The following DSCAML1 variants were observed in gnomAD, a reference collection of about 807,000 sequenced individuals.
The protein encoded by DSCAML1 is DS cell adhesion molecule like 1, also known as cell adhesion molecule DSCAML1.
Under a neutral mutation model 200.5 loss-of-function variants are expected in DSCAML1, and 38 were observed. The ratio of observed to expected loss-of-function variants is 0.19; its 90% CI spans 0.15 to 0.25. The LOEUF is 0.25. Among genes scored for constraint, DSCAML1 ranks in the 10% least tolerant of loss-of-function variants. The pLI, the probability that DSCAML1 is intolerant of heterozygous loss-of-function variation, is 1.00. For synonymous variants in DSCAML1, 1,215 were observed against 1,165.0 expected (o/e 1.04, Z -0.87); for missense variants, 2,223 against 2,858.8 (o/e 0.78, Z 5.07).
Position 117,813,954 on chromosome 11 carries a change from G to A in DSCAML1, c.-250+3436C>T, listed in dbSNP as rs377711133. On this transcript the variant is annotated intron_variant, in intron 1 of 2. Coordinates refer to the DSCAML1 transcript ENST00000525836. ...CATCCCCTGTGACTTGCACCTATAC[G>A]CCCAGATGGCTTGAAGTAACTGAAG... Among the ~76,000 whole-genome samples the A allele has an allele frequency of 8.5e-5, 13 of 152,248 alleles. No individual in the cohort carries two copies. The East Asian group carries it at 1.5e-3, about 18-fold the overall frequency.
intron 3 of DSCAML1, among the ~76,000 whole-genome samples, chr11:117,657,102 C>T (rs895327826): frequency 1.3e-5 from 2 of 152,282 alleles, no homozygotes; most frequent in South Asian, 2.1e-4. Flanking sequence ...AGAGATGGCA[C>T]ACTCCCAGGC....
rs1227011148 is a variant in DSCAML1, at chr11:117,780,488, C to T, written c.364+5G>A. ...CACTGGGGCAGCCAGTGTCTTGTCC[C>T]TTACCTGCTTTGACGCGGATGTTGG... On this transcript the variant is annotated splice_donor_5th_base_variant and intron_variant, in intron 2 of 32. Coordinates refer to ENST00000651296, the MANE Select transcript of DSCAML1 (RefSeq NM_020693.4). The surrounding 1 kb of genome is among the most constrained non-coding windows in gnomAD (Gnocchi z 4.8). 6.9e-7 allele frequency: 1 copy of T among 1,445,852 alleles called. No homozygotes were observed. Among genetic ancestry groups the T allele is most frequent in the Non-Finnish European group, 9.1e-7 (1 of 1,094,742 alleles). The allele number at this position is 1,445,852 out of a possible 1,614,324, so 89.6% of individuals were successfully genotyped here. A position where few individuals can be genotyped will look rare whatever the true frequency, so the allele number is the denominator to read the frequency against.
At chr11:117,788,239 C>A (rs1011043437) in intron 1 of DSCAML1, among the ~76,000 whole-genome samples, 3 of 152,248 alleles carry the variant, frequency 2.0e-5, no homozygotes, top group Admixed American at 6.5e-5. Flanking sequence ...ATCTGGCACA[C>A]CTGCTCCACC....
At position 117,621,109 on chromosome 11, in the gene DSCAML1, G is replaced by A. The variant is rs554228690; in HGVS notation, c.512-88587C>T. ...CATCTGGGATGATTAAGCTGAAGATGGGAAATACCTGTGCTCCATTCAAAG... is the reference window on the plus strand; with the variant it reads ...CATCTGGGATGATTAAGCTGAAGATAGGAAATACCTGTGCTCCATTCAAAG... On this transcript the variant is annotated intron_variant, in intron 3 of 32. Transcript: ENST00000651296. 7.3e-4 allele frequency among the ~76,000 whole-genome samples: 111 copies of A among 152,352 alleles called. 1 individual carries two copies. The highest frequency in any genetic ancestry group is 2.6e-3 in the African/African-American group (109 of 41,582).
intron 3 of DSCAML1, 70 bp downstream of exon 3, chr11:117,776,721 G>C (rs1433915205): frequency 6.4e-7 from 1 of 1,570,580 alleles, no homozygotes; most frequent in Non-Finnish European, 8.7e-7. Flanking sequence ...ACCAGCTCAG[G>C]CATCTCTACT....
intron 3 of DSCAML1, among the ~76,000 whole-genome samples, chr11:117,695,339 A>AC (rs1483600192): frequency 7.9e-6 from 1 of 127,184 alleles, no homozygotes; most frequent in Non-Finnish European, 1.6e-5. Flanking sequence ...TTTTTTGCTA[A>AC]CCAACCTGCA....
chr11:117,670,930 C>T (rs2053093244), intron 3 of DSCAML1, among the ~76,000 whole-genome samples: 1 of 152,134 alleles, frequency 6.6e-6, no homozygotes, highest in Non-Finnish European at 1.5e-5. Context: ...GCCTGGGTGA[C>T]AGAGGAAGTT....
At chr11:117,745,814 G>A (rs532045040) in intron 3 of DSCAML1, among the ~76,000 whole-genome samples, 4 of 152,152 alleles carry the variant, frequency 2.6e-5, no homozygotes, top group Admixed American at 6.5e-5. Context: ...TGACATCTCC[G>A]TGCCTCAATG....
chr11:117,800,884 G>A (rs1212007979), upstream of DSCAML1: 1 of 152,138 alleles, frequency 6.6e-6, no homozygotes, highest in African/African-American at 2.4e-5. Flanking sequence ...CAAACAATAA[G>A]CTTATATATT....
intron 3 of DSCAML1, among the ~76,000 whole-genome samples, chr11:117,748,736 C>T (rs537799677): frequency 1.1e-4 from 16 of 152,308 alleles, no homozygotes; most frequent in Admixed American, 2.0e-4. Flanking sequence ...GTACTGCATG[C>T]CCTACTGACC....
At chr11:117,789,863 C>T (rs948099) in intron 1 of DSCAML1, among the ~76,000 whole-genome samples, 9 of 152,142 alleles carry the variant, frequency 5.9e-5, no homozygotes, top group Admixed American at 3.3e-4. Flanking sequence ...CAGGAATGGG[C>T]TGCCTTGCAA....
At chr11:117,660,777 G>C (rs2052831304) in intron 3 of DSCAML1, among the ~76,000 whole-genome samples, 1 of 152,166 alleles carries the variant, frequency 6.6e-6, no homozygotes, top group Non-Finnish European at 1.5e-5. Context: ...CATTCACATG[G>C]AACATCGATG....
intron 3 of DSCAML1, among the ~76,000 whole-genome samples, chr11:117,711,778 C>G (rs1350031775): frequency 1.3e-5 from 2 of 152,204 alleles, no homozygotes; most frequent in Non-Finnish European, 2.9e-5. Flanking sequence ...CTCCTTACAA[C>G]TGGCCTATCA....
intron 3 of DSCAML1, among the ~76,000 whole-genome samples, chr11:117,540,304 A>G (rs76891432): frequency 0.018 from 2,745 of 152,206 alleles, 78 homozygotes; most frequent in African/African-American, 0.061. Flanking sequence ...TGCGAACCCT[A>G]TTGTGAACTG....
At chr11:117,706,103 C>G (rs6589618) in intron 3 of DSCAML1, among the ~76,000 whole-genome samples, 1,995 of 152,118 alleles carry the variant, frequency 0.013, 36 homozygotes, top group African/African-American at 0.045. Flanking sequence ...AATAAAGGGC[C>G]CTCAATTCAC....
intron 3 of DSCAML1, among the ~76,000 whole-genome samples, chr11:117,605,573 T>C (rs2051548789): frequency 6.6e-6 from 1 of 152,248 alleles, no homozygotes; most frequent in Non-Finnish European, 1.5e-5. Context: ...CTGTCGTTGT[T>C]GGACTAGATT....
In DSCAML1 at chr11:117,428,549, C is replaced by T. The variant is rs1165612080; in HGVS notation, c.5941G>A (p.Ala1981Thr). ...CCGGGGGCTGGGGGGGCTGTGCCGG[C>T]TGGGGGGGCTGGCATGGCCAGAGTC... is the stretch of plus-strand genomic sequence containing the variant. ...QRTLAMPAPP[A>T]GTAPPAPGPT... The change falls in exon 33 of 33, where the codon GCC (alanine) becomes ACC (threonine). Residue 1981 changes from alanine to threonine, a missense_variant. Physicochemically the swap from Ala to Thr is moderately conservative, Grantham distance 58. Around this residue, in one of 7 missense-constraint regions of DSCAML1, gnomAD observed 280 missense variants for 213.4 expected, o/e 1.31. Transcript: ENST00000651296. 2 of 1,532,310 alleles carry T rather than the reference C, an allele frequency of 1.3e-6. No individual in the cohort carries two copies. Among genetic ancestry groups the T allele is most frequent in the African/African-American group, 2.8e-5 (2 of 72,626 alleles). 94.9% of individuals were successfully genotyped at this position (1,532,310 alleles called of 1,614,324 possible).
At chr11:117,630,658 C>CAAAA (rs56741831) in intron 3 of DSCAML1, among the ~76,000 whole-genome samples, 1,798 of 45,572 alleles carry the variant, frequency 0.039, 335 homozygotes, top group African/African-American at 0.044. Context: ...ATAAAGTGGC[C>CAAAA]AAAAAAAAAA....
At chr11:117,656,048 T>C (rs2052727629) in intron 3 of DSCAML1, among the ~76,000 whole-genome samples, 1 of 152,232 alleles carries the variant, frequency 6.6e-6, no homozygotes, top group African/African-American at 2.4e-5. Flanking sequence ...AAGACTAGCC[T>C]GGCCAACATG....
Sources: gnomAD v4.1 joint callset for allele counts (sites outside exome capture counted in the v4.1 genomes callset) on GRCh38, gnomAD v4.1.1 for gene constraint, gnomAD v4.1.1 regional missense constraint, Gnocchi (gnomAD v3.1) non-coding constraint, MANE v1.5 for transcripts, NCBI Gene and HGNC (gene_info 2026-07-23, HGNC 2026-07-21) for gene names.